The following NBEAL1 variants were observed in gnomAD, a reference collection of about 807,000 sequenced individuals.
NBEAL1 encodes neurobeachin-like protein 1.
Under a neutral mutation model 351.3 loss-of-function variants are expected in NBEAL1, and 273 were observed. That is an observed-to-expected ratio of 0.78 (90% CI 0.70 to 0.86). The LOEUF is 0.86. Ranked by LOEUF, NBEAL1 falls within the 40% of genes least tolerant of loss-of-function variation. The pLI is 0.00. For missense variants in NBEAL1, 2,961 were observed against 3,201.3 expected, an observed-to-expected ratio of 0.92 and a Z score of 1.81; for synonymous variants, 1,050 against 1,086.4, an observed-to-expected ratio of 0.97 and a Z score of 0.66.
At chr2:203,124,660 G>A (rs889861132) in intron 19 of NBEAL1, among the ~76,000 whole-genome samples, 3 of 152,086 alleles carry the variant, frequency 2.0e-5, no homozygotes, top group Admixed American at 1.3e-4. Context: ...TTATGTCCAC[G>A]TGGCAATTCA....
intron 23 of NBEAL1, among the ~76,000 whole-genome samples, chr2:203,127,417 A>G (rs1013064124): frequency 6.6e-6 from 1 of 152,190 alleles, no homozygotes; most frequent in African/African-American, 2.4e-5. Context: ...TCTTTTATGT[A>G]GAAAATATAG....
rs376631941 is a variant in NBEAL1 at position 203,157,705 on chromosome 2, A to G, written c.5594A>G (p.Gln1865Arg). The part of the protein sequence containing the change: ...ASALRDNLGI[Q>R]HSQPSSDTLL... ...TATTTTGTGTTTAAAACAGGTATCC[A>G]ACACTCACAGCCTTCCAGTGATACA... Residue 1865 changes from glutamine (Q) to arginine (R), a missense_variant, in exon 36 of 56, where the codon CAA becomes CGA. Coordinates refer to ENST00000683969, the MANE Select transcript of NBEAL1 (RefSeq NM_001378026.1). 4 of 1,582,970 alleles carry G rather than the reference A, an allele frequency of 2.5e-6. No homozygotes were observed. Among genetic ancestry groups the G allele is most frequent in the Non-Finnish European group, 3.4e-6 (4 of 1,169,086 alleles).
At chr2:203,015,673 A>T (rs535543018) in intron 1 of NBEAL1, 8 of 152,526 alleles carry the variant, frequency 5.2e-5, no homozygotes, top group Non-Finnish European at 1.0e-4. Flanking sequence ...TGTGTTGGCC[A>T]GGCTGGTCTC....
rs138712856 is a variant in NBEAL1, at chr2:203,038,408, T to C, written c.52-3357T>C. ...ACTTTTAGCCATTCTAGTGGGTATA[T>C]AATAGTACCTTATTTGGCTTTAATT... On this transcript the variant is annotated intron_variant, in intron 2 of 55. Coordinates refer to ENST00000683969, the MANE Select transcript of NBEAL1 (RefSeq NM_001378026.1). 1.3e-4 allele frequency among the ~76,000 whole-genome samples: 20 copies of C among 149,372 alleles called. No homozygotes were observed. The East Asian group carries it at 3.9e-3, about 29-fold the overall frequency.
At chr2:203,125,241 T>A in intron 19 of NBEAL1, 111 bp from the exon 20 acceptor site, 1 of 772,574 alleles carries the variant, frequency 1.3e-6, no homozygotes, top group Non-Finnish European at 1.9e-6. Context: ...GGTTATCCTG[T>A]ACATTGCTCA....
chr2:203,059,814 T>G (rs140129598), intron 6 of NBEAL1, among the ~76,000 whole-genome samples: 41 of 152,324 alleles, frequency 2.7e-4, no homozygotes, highest in African/African-American at 9.4e-4. Flanking sequence ...AGCCCAATAG[T>G]TCAAGGCTTC....
Position 203,217,570 on chromosome 2 carries a change from A to G in NBEAL1, c.*216A>G. 7 of 1,147,542 alleles carry G rather than the reference A, an allele frequency of 6.1e-6. No individual in the cohort carries two copies. Among genetic ancestry groups the G allele is most frequent in the Non-Finnish European group, 7.5e-6 (7 of 929,450 alleles). The allele number at this position is 1,147,542 out of a possible 1,614,324, so 71.1% of individuals were successfully genotyped here. ...TGATTTGATTTTGTGGCCCATTCCT[A>G]AAGGTCATTGTATCCATTTTTAAAA... On this transcript the variant is annotated 3_prime_UTR_variant, in exon 56 of 56. Transcript: ENST00000683969.
rs530986928 is a variant in NBEAL1, at chr2:203,191,172, G to A, written c.6921+783G>A. On this transcript the variant is annotated intron_variant, in intron 46 of 55. Coordinates refer to ENST00000683969, the MANE Select transcript of NBEAL1 (RefSeq NM_001378026.1). The stretch of plus-strand genomic sequence containing the variant: ...GAGAACTCTCTGGAACCATTAAAGA[G>A]ATCCTGGGGACTGCCCAGTCTGTGG... 142 of 1,574,732 alleles carry A rather than the reference G, an allele frequency of 9.0e-5. No homozygotes were observed. The African/African-American group carries it at 1.7e-3, about 19-fold the overall frequency.
intron 31 of NBEAL1, among the ~76,000 whole-genome samples, chr2:203,139,639 A>G (rs943297025): frequency 8.0e-6 from 1 of 124,368 alleles, no homozygotes; most frequent in African/African-American, 3.1e-5. Context: ...CTCTCGGCTC[A>G]CTGTAACCTC....
In NBEAL1 at chr2:203,138,324, AT is replaced by A. The variant is rs1559396425; in HGVS notation, c.4719+10del. 1 of 1,594,728 alleles carries A rather than the reference AT, an allele frequency of 6.3e-7. No homozygotes were observed. The highest frequency in any genetic ancestry group is 1.9e-5 in the Admixed American group (1 of 53,660). On this transcript the variant is annotated intron_variant, in intron 30 of 55. Transcript: ENST00000683969. Reference sequence around the variant, plus strand: ...ACATGTGGACCGAGAAGGTGCAGTAATATCTCTTTAAAATTATATTTTGGGT... The same window carrying A: ...ACATGTGGACCGAGAAGGTGCAGTAAATCTCTTTAAAATTATATTTTGGGT...
intron 10 of NBEAL1, among the ~76,000 whole-genome samples, chr2:203,092,361 C>G (rs564961778): frequency 4.2e-4 from 63 of 151,034 alleles, no homozygotes; most frequent in African/African-American, 1.4e-3. Flanking sequence ...CGAGACCAGC[C>G]TGGCCAATAT....
chr2:203,098,376 T>A (rs567424126), intron 11 of NBEAL1, among the ~76,000 whole-genome samples: 71 of 152,310 alleles, frequency 4.7e-4, no homozygotes, highest in African/African-American at 1.6e-3. Flanking sequence ...TTATTTTTTA[T>A]TCTAGATGTG....
At chr2:203,170,744 G>A (rs767006361) in intron 39 of NBEAL1, among the ~76,000 whole-genome samples, 1 of 152,102 alleles carries the variant, frequency 6.6e-6, no homozygotes, top group Non-Finnish European at 1.5e-5. Context: ...ATTTAATAAA[G>A]TACGTTTCCT....
intron 11 of NBEAL1, among the ~76,000 whole-genome samples, chr2:203,098,305 T>C (rs1461150419): frequency 2.0e-5 from 3 of 152,194 alleles, no homozygotes; most frequent in Non-Finnish European, 4.4e-5. Flanking sequence ...TTTATTAACA[T>C]TGTGTTAATG....
At chr2:203,167,481 T>A in intron 38 of NBEAL1, 121 bp downstream of exon 38, 1 of 1,040,946 alleles carries the variant, frequency 9.6e-7, no homozygotes, top group Non-Finnish European at 1.3e-6. Context: ...GAGGAAAAAA[T>A]ACATACTTTG....
intron 10 of NBEAL1, among the ~76,000 whole-genome samples, chr2:203,096,263 G>T (rs370649982): frequency 9.2e-5 from 14 of 152,090 alleles, no homozygotes; most frequent in East Asian, 5.8e-4. Context: ...TGATTCCAAG[G>T]CCTGTAGTGT....
Position 203,127,908 on chromosome 2 carries a change from T to C in NBEAL1, c.3376T>C (p.Tyr1126His). The change falls in exon 24 of 56, where the codon TAC (tyrosine) becomes CAC (histidine). Residue 1126 changes from tyrosine to histidine, a missense_variant. Tyr to His is a moderately conservative substitution (Grantham distance 83). Transcript: ENST00000683969. Reference protein sequence around the residue: ...SHEEIQSIMGYIAATNEEEQL... With the variant: ...SHEEIQSIMGHIAATNEEEQL... ...TGAAGAGATACAAAGTATTATGGGG[T>C]ACATAGCTGCTACTAATGAAGAAGA... 6.4e-7 allele frequency: 1 copy of C among 1,551,470 alleles called. No homozygotes were observed. Among genetic ancestry groups the C allele is most frequent in the Admixed American group, 2.0e-5 (1 of 50,850 alleles).
At chr2:203,149,917 A>G (rs1418764760) in intron 34 of NBEAL1, among the ~76,000 whole-genome samples, 2 of 152,188 alleles carry the variant, frequency 1.3e-5, no homozygotes, top group African/African-American at 4.8e-5. Flanking sequence ...ATGGCTGAAT[A>G]GTATTCCCTT....
At chr2:203,182,342 C>G in intron 43 of NBEAL1, 1 of 152,128 alleles carries the variant, frequency 6.6e-6, no homozygotes, top group East Asian at 1.9e-4. Flanking sequence ...CCAACAGTAT[C>G]GCAGAAATAA....
Sources: allele counts gnomAD v4.1 joint callset (sites outside exome capture counted in the v4.1 genomes callset), GRCh38; gene constraint gnomAD v4.1.1; transcripts MANE v1.5; gene names NCBI Gene and HGNC (gene_info 2026-07-23, HGNC 2026-07-21).